Variants in PDE4D observed in about 807,000 individuals in gnomAD.
PDE4D encodes 3',5'-cyclic-AMP phosphodiesterase 4D.
Under a neutral mutation model 87.4 loss-of-function variants are expected in PDE4D, and 24 were observed. The observed-to-expected ratio is 0.27, with a 90% CI of 0.20 to 0.39. The LOEUF (loss-of-function observed/expected upper bound fraction) is 0.39, where lower values mean the gene tolerates loss of function less well. PDE4D is among the 10% of genes least tolerant of loss of function. The pLI, the probability that PDE4D is intolerant of heterozygous loss-of-function variation, is 1.00. For synonymous variants in PDE4D, 384 were observed against 383.2 expected (o/e 1.00, Z -0.02); for missense variants, 714 against 1,041.0 (o/e 0.69, Z 4.32).
In PDE4D at chr5:60,485,370, A is replaced by T. The variant is rs540169426; in HGVS notation, c.-90+2572T>A. 4.0e-5 allele frequency among the ~76,000 whole-genome samples: 6 copies of T among 150,502 alleles called. 1 individual carries two copies. Among genetic ancestry groups the T allele is most frequent in the African/African-American group, 1.5e-4 (6 of 40,160 alleles). On this transcript the variant is annotated intron_variant, in intron 1 of 16. Transcript: ENST00000502484. ...CAGGAAAAACGTTGGAGGGAAGAGC[A>T]AATTTTTCCAAAAACAAAATTCACC...
intron 3 of PDE4D, among the ~76,000 whole-genome samples, chr5:59,934,237 A>G (rs1406518653): frequency 2.0e-5 from 3 of 152,158 alleles, no homozygotes; most frequent in Admixed American, 1.3e-4. Context: ...AAAGCGCTGG[A>G]AAGTTTAAAC....
intron 1 of PDE4D, among the ~76,000 whole-genome samples, chr5:59,486,682 T>C (rs912411485): frequency 1.3e-5 from 2 of 152,170 alleles, no homozygotes; most frequent in Non-Finnish European, 2.9e-5. Context: ...GGAGTGGAGC[T>C]GAGGTTTAAA....
chr5:59,223,899 C>T (rs536206133), intron 1 of PDE4D, among the ~76,000 whole-genome samples: 1 of 152,068 alleles, frequency 6.6e-6, no homozygotes, highest in African/African-American at 2.4e-5. Context: ...AATTATACTA[C>T]ACATGTTAGC....
At chr5:59,636,780 A>G (rs552477485) in intron 1 of PDE4D, among the ~76,000 whole-genome samples, 1 of 152,254 alleles carries the variant, frequency 6.6e-6, no homozygotes, top group South Asian at 2.1e-4. Context: ...CTTAAACTTA[A>G]GACCTAAAAC....
chr5:59,007,361 C>T (rs987926240), intron 6 of PDE4D, among the ~76,000 whole-genome samples: 5 of 152,072 alleles, frequency 3.3e-5, no homozygotes, highest in African/African-American at 1.2e-4. Context: ...TGAACAAATG[C>T]AAATCTAATT....
intron 2 of PDE4D, among the ~76,000 whole-genome samples, chr5:60,167,303 T>C (rs564098488): frequency 1.9e-4 from 26 of 139,660 alleles, no homozygotes; most frequent in Non-Finnish European, 3.0e-4. Flanking sequence ...GGAGTCTCGC[T>C]GTCGCCCAGG....
intron 6 of PDE4D, among the ~76,000 whole-genome samples, chr5:59,028,762 A>G (rs1419358167): frequency 2.6e-5 from 4 of 152,168 alleles, no homozygotes; most frequent in Non-Finnish European, 4.4e-5. Context: ...AGGGTAAAGA[A>G]GGAAAAATGT....
chr5:59,566,533 CATGTGTGT>C (rs1301233515), intron 1 of PDE4D, among the ~76,000 whole-genome samples: 74 of 102,742 alleles, frequency 7.2e-4, no homozygotes, highest in African/African-American at 2.3e-3. Flanking sequence ...GTCACAGTTT[CATGTGTGT>C]GTGTGTGTGT....
At chr5:60,023,132 C>A (rs1488167114) in intron 2 of PDE4D, among the ~76,000 whole-genome samples, 1 of 152,220 alleles carries the variant, frequency 6.6e-6, no homozygotes, top group South Asian at 2.1e-4. Flanking sequence ...ATCTCCTATC[C>A]AAAATATGAA....
intron 6 of PDE4D, among the ~76,000 whole-genome samples, chr5:59,027,445 C>T (rs953546166): frequency 1.3e-5 from 2 of 152,054 alleles, no homozygotes; most frequent in Non-Finnish European, 2.9e-5. Context: ...TTATGTTCTC[C>T]CTCCTTGAGA....
chr5:59,527,211 T>C (rs769341355), intron 1 of PDE4D, among the ~76,000 whole-genome samples: 2 of 152,210 alleles, frequency 1.3e-5, no homozygotes, highest in Non-Finnish European at 2.9e-5. Context: ...TTTTTCTGAG[T>C]ATAAGCTTAT....
intron 1 of PDE4D, among the ~76,000 whole-genome samples, chr5:60,364,054 C>G (rs917575886): frequency 2.0e-5 from 3 of 152,164 alleles, no homozygotes; most frequent in African/African-American, 7.2e-5. Flanking sequence ...GCAAATATCA[C>G]TCCAGAAGCC....
intron 1 of PDE4D, among the ~76,000 whole-genome samples, chr5:59,233,527 C>A (rs1020671051): frequency 6.6e-6 from 1 of 152,158 alleles, no homozygotes; most frequent in South Asian, 2.1e-4. Flanking sequence ...TTGGTTCAGA[C>A]TGGCAATGTC....
At chr5:60,076,334 A>C (rs1450871228) in intron 2 of PDE4D, among the ~76,000 whole-genome samples, 1 of 151,818 alleles carries the variant, frequency 6.6e-6, no homozygotes, top group Non-Finnish European at 1.5e-5. Flanking sequence ...AGTTTTCTGT[A>C]TTTTTAGTAG....
chr5:60,226,341 T>TC (rs1027384844), intron 1 of PDE4D, among the ~76,000 whole-genome samples: 58 of 152,138 alleles, frequency 3.8e-4, no homozygotes, highest in African/African-American at 1.4e-3. Flanking sequence ...GTACTAGACT[T>TC]CAAGAGATTA....
At chr5:60,452,352 A>C (rs1239700348) in intron 1 of PDE4D, among the ~76,000 whole-genome samples, 1 of 152,148 alleles carries the variant, frequency 6.6e-6, no homozygotes, top group African/African-American at 2.4e-5. Flanking sequence ...GTTGGACTGC[A>C]GATGCATGTT....
intron 1 of PDE4D, among the ~76,000 whole-genome samples, chr5:59,714,952 G>A: frequency 6.6e-6 from 1 of 152,248 alleles, no homozygotes; most frequent in Non-Finnish European, 1.5e-5. Flanking sequence ...TGTGACCACA[G>A]ATGGTTTTGG....
intron 1 of PDE4D, among the ~76,000 whole-genome samples, chr5:60,364,727 T>TC (rs1484846802): frequency 5.9e-5 from 9 of 152,220 alleles, no homozygotes; most frequent in Admixed American, 4.6e-4. Context: ...TGGTGCTTAG[T>TC]CGTTAAAACA....
chr5:59,383,359 C>T (rs1004961597), intron 1 of PDE4D, among the ~76,000 whole-genome samples: 1 of 152,082 alleles, frequency 6.6e-6, no homozygotes, highest in African/African-American at 2.4e-5. Context: ...TTTGCATTCC[C>T]TGCCCATTTG....
Sources: allele counts gnomAD v4.1 joint callset (sites outside exome capture counted in the v4.1 genomes callset), GRCh38; gene constraint gnomAD v4.1.1; transcripts MANE v1.5; gene names NCBI Gene and HGNC (gene_info 2026-07-23, HGNC 2026-07-21).